The following KCNIP1 variants were observed in gnomAD, a reference collection of about 807,000 sequenced individuals.
KCNIP1 encodes the protein potassium voltage-gated channel interacting protein 1, also known as A-type potassium channel modulatory protein KCNIP1.
Under a neutral mutation model 33.0 loss-of-function variants are expected in KCNIP1, and 18 were observed. That is an observed-to-expected ratio of 0.55 (90% CI 0.38 to 0.81). The LOEUF (loss-of-function observed/expected upper bound fraction) is 0.81, where lower values mean the gene tolerates loss of function less well. KCNIP1 is among the 30% of genes least tolerant of loss of function. The pLI is 0.00. For missense variants in KCNIP1, 238 were observed against 271.6 expected (o/e 0.88, Z 0.87); for synonymous variants, 93 against 98.3 (o/e 0.95, Z 0.32).
intron 1 of KCNIP1, among the ~76,000 whole-genome samples, chr5:170,631,168 G>A (rs1162003766): frequency 6.6e-6 from 1 of 152,206 alleles, no homozygotes; most frequent in East Asian, 1.9e-4. Context: ...TGGTACAAGA[G>A]AGAGAACTTC....
intron 1 of KCNIP1, among the ~76,000 whole-genome samples, chr5:170,627,037 T>G (rs1034679300): frequency 6.6e-6 from 1 of 152,020 alleles, no homozygotes. Context: ...CTGGCCGGTG[T>G]TCAGTGGGGC....
intron 5 of KCNIP1, among the ~76,000 whole-genome samples, chr5:170,730,314 G>T (rs1374455247): frequency 6.6e-6 from 1 of 151,948 alleles, no homozygotes; most frequent in Non-Finnish European, 1.5e-5. Context: ...CTCCCTTTTT[G>T]TAATTTGCAA....
chr5:170,477,858 G>A (rs912360991), intron 1 of KCNIP1, among the ~76,000 whole-genome samples: 2 of 152,134 alleles, frequency 1.3e-5, no homozygotes, highest in Non-Finnish European at 2.9e-5. Context: ...GATAGATAGC[G>A]ATGAATCCCA....
intron 1 of KCNIP1, chr5:170,375,431 T>A (rs1280854953): frequency 6.6e-6 from 1 of 152,304 alleles, no homozygotes; most frequent in Non-Finnish European, 1.5e-5. Flanking sequence ...CTGGTGCAGA[T>A]GCCAGGGCCT....
In KCNIP1 at chr5:170,369,878, C is replaced by T. The variant is rs151065090; in HGVS notation, c.88+15914C>T. ...ATTCTGGCCAGGCCTATTATTATCA[C>T]GGGTCATGATTCTCCCATGAAGTGG... On this transcript the variant is annotated intron_variant, in intron 1 of 7. Coordinates refer to the KCNIP1 transcript ENST00000377360. Among the ~76,000 whole-genome samples the T allele has an allele frequency of 5.0e-3, 767 of 152,310 alleles. 3 individuals carry two copies. Among genetic ancestry groups the T allele is most frequent in the African/African-American group, 0.017 (707 of 41,554 alleles).
At chr5:170,712,998 T>A in intron 1 of KCNIP1, 1 of 878,046 alleles carries the variant, frequency 1.1e-6, no homozygotes, top group East Asian at 2.4e-5. Flanking sequence ...GCTTTCTGTG[T>A]CCTTTGTTAA....
At chr5:170,617,649 C>G (rs1402053647) in intron 1 of KCNIP1, among the ~76,000 whole-genome samples, 1 of 152,200 alleles carries the variant, frequency 6.6e-6, no homozygotes, top group African/African-American at 2.4e-5. Flanking sequence ...GCACCATCTG[C>G]TCTTAAAGAG....
At chr5:170,688,365 G>C (rs955840901) in intron 1 of KCNIP1, among the ~76,000 whole-genome samples, 2 of 152,224 alleles carry the variant, frequency 1.3e-5, no homozygotes, top group East Asian at 1.9e-4. Context: ...AGCCAGAGTT[G>C]AGTTGTTGGA....
At chr5:170,372,392 T>G (rs967534769) in intron 1 of KCNIP1, among the ~76,000 whole-genome samples, 1 of 152,036 alleles carries the variant, frequency 6.6e-6, no homozygotes, top group Non-Finnish European at 1.5e-5. Context: ...TTATGAAGAT[T>G]TCACTACATA....
chr5:170,664,606 C>T (rs1045975149), intron 1 of KCNIP1, among the ~76,000 whole-genome samples: 1 of 152,184 alleles, frequency 6.6e-6, no homozygotes, highest in African/African-American at 2.4e-5. Context: ...CCACCACTCC[C>T]GGCCCTCTGC....
chr5:170,698,456 C>T (rs1235098480), intron 1 of KCNIP1, among the ~76,000 whole-genome samples: 1 of 152,186 alleles, frequency 6.6e-6, no homozygotes, highest in Non-Finnish European at 1.5e-5. Context: ...GGCAGATGAC[C>T]TTACATCCTT....
intron 1 of KCNIP1, among the ~76,000 whole-genome samples, chr5:170,384,595 A>T (rs1050571117): frequency 6.6e-6 from 1 of 152,230 alleles, no homozygotes; most frequent in Non-Finnish European, 1.5e-5. Flanking sequence ...TGGGAGACCC[A>T]TTGCCAGTCA....
chr5:170,566,388 C>T lies in KCNIP1; in HGVS notation c.61+61755C>T, dbSNP rs184036804. Among the ~76,000 whole-genome samples the T allele has an allele frequency of 2.2e-3, 341 of 152,298 alleles. 1 individual carries two copies. The highest frequency in any genetic ancestry group is 8.7e-3 in the East Asian group (45 of 5,188). On this transcript the variant is annotated intron_variant, in intron 1 of 7. Transcript: ENST00000328939. ...GATTACAGGCGTTAGCCACCGCGCC[C>T]GGCCAACTATCCGTATTATTATGTA...
chr5:170,633,272 G>A (rs1440970160), intron 1 of KCNIP1, among the ~76,000 whole-genome samples: 1 of 152,074 alleles, frequency 6.6e-6, no homozygotes, highest in African/African-American at 2.4e-5. Context: ...GGAGGGGACC[G>A]CGAGAGCGAG....
intron 1 of KCNIP1, chr5:170,383,643 A>T (rs1302233031): frequency 3.7e-6 from 6 of 1,608,080 alleles, no homozygotes; most frequent in Non-Finnish European, 5.1e-6. Context: ...CCTGACAGGG[A>T]TAAAGGGATG....
intron 1 of KCNIP1, among the ~76,000 whole-genome samples, chr5:170,664,074 G>T (rs1761605604): frequency 6.6e-6 from 1 of 151,970 alleles, no homozygotes. Context: ...CATCCTCAGT[G>T]TTAGCCAGAC....
chr5:170,516,937 A>G (rs1014490081), intron 1 of KCNIP1, among the ~76,000 whole-genome samples: 4 of 152,182 alleles, frequency 2.6e-5, no homozygotes, highest in Admixed American at 1.3e-4. Context: ...TAGCAATAAT[A>G]ATGATTTTGA....
At position 170,666,358 on chromosome 5, in the gene KCNIP1, T is replaced by G. The variant is rs188767401; in HGVS notation, c.62-52400T>G. Among the ~76,000 whole-genome samples, 531 of 152,268 alleles carry G rather than the reference T, an allele frequency of 3.5e-3. 4 individuals carry two copies. Among genetic ancestry groups the G allele is most frequent in the African/African-American group, 0.012 (510 of 41,560 alleles). On this transcript the variant is annotated intron_variant, in intron 1 of 7. Transcript: ENST00000328939. ...TGTGTGTGTTTGAGCACTTCTTTACTGTTGGCACCAAAAGATGCTTAGGCT... is the reference window on the plus strand; with the variant it reads ...TGTGTGTGTTTGAGCACTTCTTTACGGTTGGCACCAAAAGATGCTTAGGCT...
chr5:170,540,289 T>C (rs1341836688), intron 1 of KCNIP1, among the ~76,000 whole-genome samples: 1 of 152,140 alleles, frequency 6.6e-6, no homozygotes, highest in Non-Finnish European at 1.5e-5. Flanking sequence ...GCTTCTTGGA[T>C]AGAGTGCCTG....
Sources: allele counts gnomAD v4.1 joint callset (sites outside exome capture counted in the v4.1 genomes callset), GRCh38; gene constraint gnomAD v4.1.1; transcripts MANE v1.5; gene names NCBI Gene and HGNC (gene_info 2026-07-23, HGNC 2026-07-21).